The following MPDZ variants were observed in gnomAD, a reference collection of about 807,000 sequenced individuals.
The protein encoded by MPDZ is multiple PDZ domain crumbs cell polarity complex component.
In MPDZ, 234 loss-of-function variants were observed where a neutral mutation model predicts 239.1. The observed-to-expected ratio is 0.98, with a 90% confidence interval of 0.88 to 1.09. MPDZ has a LOEUF of 1.09. Among genes scored for constraint, MPDZ ranks in the 50% least tolerant of loss-of-function variants. The pLI, the probability that MPDZ is intolerant of heterozygous loss-of-function variation, is 0.00. For synonymous variants in MPDZ, 1,048 were observed against 881.3 expected (o/e 1.19, Z -3.35); for missense variants, 3,175 against 2,510.0 (o/e 1.26, Z -5.66).
chr9:13,129,847 T>C (rs1372303036), intron 32 of MPDZ, among the ~76,000 whole-genome samples: 2 of 152,158 alleles, frequency 1.3e-5, no homozygotes, highest in Admixed American at 1.3e-4. Context: ...CCACTGTACC[T>C]GGCTCCAAGG....
At chr9:13,216,366 A>T (rs1958343190) in intron 10 of MPDZ, among the ~76,000 whole-genome samples, 1 of 150,760 alleles carries the variant, frequency 6.6e-6, no homozygotes, top group Non-Finnish European at 1.5e-5. Flanking sequence ...CAACAATAAC[A>T]GTATCATTCT....
At chr9:13,155,500 G>C (rs542696214) in intron 24 of MPDZ, among the ~76,000 whole-genome samples, 84 of 152,154 alleles carry the variant, frequency 5.5e-4, no homozygotes, top group Non-Finnish European at 1.1e-3. Flanking sequence ...GAATGAATTA[G>C]ATCTTTAAGT....
chr9:13,268,169 T>TATAC (rs766547201), intron 1 of MPDZ, among the ~76,000 whole-genome samples: 1,529 of 150,932 alleles, frequency 0.01, 22 homozygotes, highest in African/African-American at 0.027. Flanking sequence ...TATATATATA[T>TATAC]ACACACATAG....
At position 13,188,914 on chromosome 9, in the gene MPDZ, AGTC is replaced by A. The variant is rs1359450456; in HGVS notation, c.2231_2233del (p.Arg744del). 1 of 1,613,432 alleles carries A rather than the reference AGTC, an allele frequency of 6.2e-7. No individual in the cohort carries two copies. The highest frequency in any genetic ancestry group is 8.5e-7 in the Non-Finnish European group (1 of 1,179,592). ...AAACATGAGTCGGTCACCAGGAAGA[AGTC>A]GTCCATCCTTTTCAGCAATGCCGCC... is the stretch of plus-strand genomic sequence containing the variant. On this transcript the variant is annotated inframe_deletion, in exon 17 of 47. Transcript: ENST00000319217.
At chr9:13,211,376 T>C (rs1194242620) in intron 10 of MPDZ, among the ~76,000 whole-genome samples, 1 of 152,086 alleles carries the variant, frequency 6.6e-6, no homozygotes, top group Non-Finnish European at 1.5e-5. Context: ...ACCAACTAAA[T>C]AGTCAAAATA....
At chr9:13,144,079 G>T (rs1854908) in intron 26 of MPDZ, among the ~76,000 whole-genome samples, 69,414 of 151,620 alleles carry the variant, frequency 0.46, 18,642 homozygotes, top group African/African-American at 0.75. Flanking sequence ...TATTTTGACT[G>T]GATATTAAAG....
intron 1 of MPDZ, among the ~76,000 whole-genome samples, chr9:13,257,819 G>T (rs1969789566): frequency 6.6e-6 from 1 of 152,148 alleles, no homozygotes; most frequent in African/African-American, 2.4e-5. Context: ...ATTTTTTAGT[G>T]TATGTCCCAT....
intron 3 of MPDZ, among the ~76,000 whole-genome samples, chr9:13,232,580 T>A (rs959385466): frequency 6.6e-6 from 1 of 151,090 alleles, no homozygotes; most frequent in Non-Finnish European, 1.5e-5. Flanking sequence ...TGAGAGAAAA[T>A]CTCTGTATTT....
chr9:13,172,650 G>C (rs907811269), intron 21 of MPDZ, among the ~76,000 whole-genome samples: 6 of 152,158 alleles, frequency 3.9e-5, no homozygotes, highest in African/African-American at 1.4e-4. Flanking sequence ...GCCTCCCAAA[G>C]TGCTGGGATT....
At chr9:13,264,549 G>A (rs779001877) in intron 1 of MPDZ, among the ~76,000 whole-genome samples, 5 of 151,364 alleles carry the variant, frequency 3.3e-5, no homozygotes, top group Admixed American at 1.3e-4. Context: ...TAACTCAACC[G>A]ACCCTCTGAA....
At chr9:13,124,480 C>T (rs1449811412) in intron 35 of MPDZ, among the ~76,000 whole-genome samples, 1 of 152,088 alleles carries the variant, frequency 6.6e-6, no homozygotes, top group Non-Finnish European at 1.5e-5. Flanking sequence ...AAGCCAATGC[C>T]TTATTTTTTT....
At chr9:13,247,838 C>T in intron 2 of MPDZ, 37 bp from the exon 3 acceptor site, 1 of 1,557,836 alleles carries the variant, frequency 6.4e-7, no homozygotes, top group Non-Finnish European at 8.8e-7. Flanking sequence ...TAACAGGATT[C>T]AAAGGACACA....
chr9:13,174,870 C>A (rs1218923818), intron 21 of MPDZ, among the ~76,000 whole-genome samples: 1 of 152,182 alleles, frequency 6.6e-6, no homozygotes, highest in African/African-American at 2.4e-5. Context: ...GGAACAAAAT[C>A]TTGGAGACCA....
intron 29 of MPDZ, 141 bp from the exon 30 acceptor site, chr9:13,136,944 A>C (rs1946906261): frequency 4.4e-6 from 2 of 453,370 alleles, no homozygotes; most frequent in Non-Finnish European, 7.6e-6. Context: ...TCCTCCCCAA[A>C]ACATGAAACT....
intron 15 of MPDZ, among the ~76,000 whole-genome samples, chr9:13,190,781 T>C (rs2134983655): frequency 6.6e-6 from 1 of 152,268 alleles, no homozygotes; most frequent in East Asian, 1.9e-4. Flanking sequence ...CAAATTAACA[T>C]ACACAGTGGC....
At chr9:13,256,571 G>A (rs1470880796) in intron 1 of MPDZ, among the ~76,000 whole-genome samples, 1 of 152,190 alleles carries the variant, frequency 6.6e-6, no homozygotes, top group Non-Finnish European at 1.5e-5. Flanking sequence ...ACTGTTCTGT[G>A]TCAGGGAATA....
Position 13,107,069 on chromosome 9 carries a change from T to A in MPDZ, c.6109A>T (p.Ile2037Phe). The A allele has an allele frequency of 6.2e-7, 1 of 1,600,130 alleles. No homozygotes were observed. The highest frequency in any genetic ancestry group is 8.6e-7 in the Non-Finnish European group (1 of 1,169,268). The change falls in exon 47 of 47, where the codon ATC becomes TTC. Residue 2037 changes from isoleucine to phenylalanine, a missense_variant. By Grantham distance (21) the Ile-to-Phe change is conservative. Coordinates refer to ENST00000319217, the MANE Select transcript of MPDZ (RefSeq NM_001378778.1). ...AGACTCTGCCCATTGACAGCAATGA[T>A]CTGATCGCCCCTTTTCAGACGTCCG... ...EDGRLKRGDQ[I>F]IAVNGQSLEG... is the part of the protein sequence containing the mutation.
chr9:13,224,529 G>A lies in MPDZ; in HGVS notation c.238C>T (p.Leu80Phe). Residue 80 changes from leucine (L) to phenylalanine (F), a missense_variant, in exon 4 of 47, where the codon CTC (leucine) becomes TTC (phenylalanine). By Grantham distance (22) the Leu-to-Phe change is conservative. Transcript: ENST00000319217. ...AGAGTAGGAATCACAGCTGGGCTGA[G>A]ATGAGGAACGTGGGCATATTCAATA... ...SNIEYAHVPH[L>F]SPAVIPTLQN... 6.2e-7 allele frequency: 1 copy of A among 1,612,674 alleles called. No individual in the cohort carries two copies. Among genetic ancestry groups the A allele is most frequent in the Non-Finnish European group, 8.5e-7 (1 of 1,179,150 alleles).
chr9:13,110,140 G>A, intron 44 of MPDZ, 76 bp from the exon 45 acceptor site: 1 of 932,184 alleles, frequency 1.1e-6, no homozygotes, highest in Non-Finnish European at 1.6e-6. Flanking sequence ...TTCAGAAAGA[G>A]CACTTGGATT....
Sources: gnomAD v4.1 joint callset for allele counts (sites outside exome capture counted in the v4.1 genomes callset) on GRCh38, gnomAD v4.1.1 for gene constraint, MANE v1.5 for transcripts, NCBI Gene and HGNC (gene_info 2026-07-23, HGNC 2026-07-21) for gene names.